TSGA10: variants seen among roughly 807,000 people sequenced by gnomAD.
The protein encoded by TSGA10 is testis-specific gene 10 protein.
TSGA10 carries 43 observed loss-of-function variants against 96.6 expected under a neutral mutation model. The observed-to-expected ratio is 0.44, with a 90% CI of 0.35 to 0.57. The LOEUF (loss-of-function observed/expected upper bound fraction) is 0.57. Ranked by LOEUF, TSGA10 falls within the 20% of genes least tolerant of loss-of-function variation. TSGA10 has a pLI of 0.01. For synonymous variants in TSGA10, 229 were observed against 269.9 expected (o/e 0.85, Z 1.48); for missense variants, 703 against 834.4 (o/e 0.84, Z 1.94).
chr2:99,030,437 C>T (rs1226876514), intron 17 of TSGA10, among the ~76,000 whole-genome samples: 3 of 152,068 alleles, frequency 2.0e-5, no homozygotes, highest in African/African-American at 4.8e-5. Context: ...TGCTTAAGGC[C>T]AGAAGTTCGA....
chr2:99,139,352 A>C (rs1273188630), intron 1 of TSGA10, among the ~76,000 whole-genome samples: 1 of 152,252 alleles, frequency 6.6e-6, no homozygotes, highest in African/African-American at 2.4e-5. Flanking sequence ...AGATTATATA[A>C]TAAAAAGTAT....
intron 16 of TSGA10, among the ~76,000 whole-genome samples, chr2:99,039,176 A>C (rs10170063): frequency 0.43 from 65,838 of 151,738 alleles, 16,942 homozygotes; most frequent in African/African-American, 0.72. Flanking sequence ...TAAATGCCTA[A>C]ATCAAAAAGT....
At chr2:99,140,210 C>T (rs1235711618) in intron 1 of TSGA10, among the ~76,000 whole-genome samples, 1 of 152,146 alleles carries the variant, frequency 6.6e-6, no homozygotes, top group African/African-American at 2.4e-5. Context: ...GAGTTTGGCT[C>T]ATTAATCAAT....
At chr2:99,125,475 A>C (rs2092777956) in intron 2 of TSGA10, 1 of 152,164 alleles carries the variant, frequency 6.6e-6, no homozygotes, top group African/African-American at 2.4e-5. Flanking sequence ...TGCTTGCTGA[A>C]GCATTTATAT....
chr2:99,136,430 C>T (rs887503140), intron 1 of TSGA10, among the ~76,000 whole-genome samples: 2 of 152,130 alleles, frequency 1.3e-5, no homozygotes, highest in African/African-American at 2.4e-5. Flanking sequence ...TCAGAAATTA[C>T]ACCACAGCAT....
chr2:99,003,794 T>C (rs1020344146), intron 20 of TSGA10, among the ~76,000 whole-genome samples: 1 of 152,138 alleles, frequency 6.6e-6, no homozygotes, highest in Admixed American at 6.6e-5. Context: ...GGGACACATT[T>C]AAAGCAGTGT....
At chr2:99,131,744 T>C (rs756758318) in intron 1 of TSGA10, among the ~76,000 whole-genome samples, 1 of 152,226 alleles carries the variant, frequency 6.6e-6, no homozygotes, top group Non-Finnish European at 1.5e-5. Context: ...CAGTATGATA[T>C]TGGCTACAGG....
chr2:99,137,044 G>T (rs1235648388), intron 1 of TSGA10, among the ~76,000 whole-genome samples: 19 of 148,864 alleles, frequency 1.3e-4, no homozygotes, highest in Admixed American at 2.7e-4. Context: ...TGTCACCCAG[G>T]CTGGAGTGCA....
intron 10 of TSGA10, among the ~76,000 whole-genome samples, chr2:99,091,252 C>T (rs2089289429): frequency 6.6e-6 from 1 of 152,144 alleles, no homozygotes; most frequent in South Asian, 2.1e-4. Context: ...GCCAGCACTA[C>T]AAAGAACTGC....
chr2:99,103,833 G>C, intron 10 of TSGA10, 134 bp downstream of exon 10: 3 of 1,031,626 alleles, frequency 2.9e-6, no homozygotes, highest in Non-Finnish European at 4.1e-6. Flanking sequence ...GTGTGCCAAG[G>C]GTTCCTACAA....
intron 16 of TSGA10, among the ~76,000 whole-genome samples, chr2:99,058,868 T>C (rs912596791): frequency 5.9e-5 from 9 of 151,342 alleles, no homozygotes; most frequent in African/African-American, 2.2e-4. Context: ...AAACCCTGTC[T>C]CTACTAAAAA....
At chr2:99,023,925 AC>A (rs1422570046) in intron 17 of TSGA10, among the ~76,000 whole-genome samples, 4 of 152,208 alleles carry the variant, frequency 2.6e-5, no homozygotes, top group Non-Finnish European at 4.4e-5. Context: ...TCTACAAGAC[AC>A]CTGGGATTCT....
intron 7 of TSGA10, 99 bp downstream of exon 7, chr2:99,108,734 G>T: frequency 1.3e-6 from 1 of 787,226 alleles, no homozygotes; most frequent in Non-Finnish European, 1.9e-6. Context: ...AGATTAACTT[G>T]ATTTGCAGGT....
At chr2:99,127,009 CA>C in intron 2 of TSGA10, 38 bp downstream of exon 2, 1 of 1,280,624 alleles carries the variant, frequency 7.8e-7, no homozygotes, top group Non-Finnish European at 1.0e-6. Flanking sequence ...GCTCCCACCC[CA>C]AATTAAGTCA....
rs763394051 is a variant in TSGA10, at chr2:99,071,904, A to T, written c.939-30T>A. ...TCCACAAATCAAAGAGTACATAAGA[A>T]GAGACATTTTACTGAAACAGAGCAA... On this transcript the variant is annotated intron_variant, in intron 13 of 20. Transcript: ENST00000393483. The T allele has an allele frequency of 6.4e-6, 10 of 1,568,436 alleles. No homozygotes were observed. In the Admixed American group the frequency reaches 1.7e-4, roughly 27 times the overall value.
intron 10 of TSGA10, among the ~76,000 whole-genome samples, chr2:99,096,201 T>C (rs2090015725): frequency 6.6e-6 from 1 of 152,226 alleles, no homozygotes; most frequent in South Asian, 2.1e-4. Flanking sequence ...AGAATTAACA[T>C]GTTTTATTCT....
chr2:99,068,819 A>G (rs2085572401), intron 15 of TSGA10, 69 bp downstream of exon 15: 1 of 722,112 alleles, frequency 1.4e-6, no homozygotes, highest in Non-Finnish European at 2.1e-6. Context: ...CGTTCTGAGT[A>G]TACCAACTTC....
intron 2 of TSGA10, among the ~76,000 whole-genome samples, chr2:99,123,973 C>T (rs2092704469): frequency 6.6e-6 from 1 of 152,168 alleles, no homozygotes. Context: ...TCCGTGTTTT[C>T]AACTCTTTAG....
chr2:99,148,089 C>T (rs2093650424), intron 1 of TSGA10, among the ~76,000 whole-genome samples: 1 of 152,116 alleles, frequency 6.6e-6, no homozygotes, highest in Non-Finnish European at 1.5e-5. Context: ...CTCCTTTAAT[C>T]TGAAACAGTT....
Sources: gnomAD v4.1 joint callset for allele counts (sites outside exome capture counted in the v4.1 genomes callset) on GRCh38, gnomAD v4.1.1 for gene constraint, MANE v1.5 for transcripts, NCBI Gene and HGNC (gene_info 2026-07-23, HGNC 2026-07-21) for gene names.